EEA1: variants seen among roughly 807,000 people sequenced by gnomAD.
The protein encoded by EEA1 is early endosome antigen 1, 162kD.
Under a neutral mutation model 209.2 loss-of-function variants are expected in EEA1, and 111 were observed. The observed-to-expected ratio is 0.53, with a 90% CI of 0.45 to 0.62. The LOEUF (loss-of-function observed/expected upper bound fraction) is 0.62. Ranked by LOEUF, EEA1 falls within the 20% of genes least tolerant of loss-of-function variation. The pLI, the probability that EEA1 is intolerant of heterozygous loss-of-function variation, is 0.00. For synonymous variants in EEA1, 536 were observed against 540.6 expected (o/e 0.99, Z 0.12); for missense variants, 1,343 against 1,530.8 (o/e 0.88, Z 2.05).
rs917277261 is a variant in EEA1, at chr12:92,884,589, G to A, written c.117+7040C>T. ...CCCATGAAGGGAGGAAACTTTGGAG[G>A]CAGAAGCCCTGGCCCCTATGGTGGT... On this transcript the variant is annotated intron_variant, in intron 2 of 28. Transcript: ENST00000322349. 18 of 1,465,476 alleles carry A rather than the reference G, an allele frequency of 1.2e-5. No homozygotes were observed. The Admixed American group carries it at 2.8e-4, about 23-fold the overall frequency. 90.8% of individuals were successfully genotyped at this position (1,465,476 alleles called of 1,614,324 possible).
intron 3 of EEA1, chr12:92,858,568 G>C: frequency 1.3e-6 from 1 of 757,700 alleles, no homozygotes; most frequent in East Asian, 2.5e-5. Flanking sequence ...CAAGCTTAAA[G>C]CCAAACTGGC....
At chr12:92,908,580 T>A (rs528210327) in intron 1 of EEA1, among the ~76,000 whole-genome samples, 1 of 150,758 alleles carries the variant, frequency 6.6e-6, no homozygotes, top group African/African-American at 2.4e-5. Context: ...CTACTACATA[T>A]CCTTTTGGGA....
Position 92,788,380 on chromosome 12 carries a change from G to A in EEA1, c.2968-331C>T, listed in dbSNP as rs7294673. Among the ~76,000 whole-genome samples, 277 of 151,800 alleles carry A rather than the reference G, an allele frequency of 1.8e-3. 1 individual carries two copies. The highest frequency in any genetic ancestry group is 6.4e-3 in the African/African-American group (266 of 41,396). ...TGCAGTGCTAGATGCCTCAGCTGAC[G>A]TAATTTAAGGTGGAACTAAGGGAAA... On this transcript the variant is annotated intron_variant, in intron 21 of 28. Transcript: ENST00000322349.
chr12:92,818,348 G>T (rs1396363950), intron 14 of EEA1, among the ~76,000 whole-genome samples: 1 of 152,020 alleles, frequency 6.6e-6, no homozygotes, highest in Non-Finnish European at 1.5e-5. Context: ...CTTCTCTCAG[G>T]GATCACAGTC....
intron 2 of EEA1, 48 bp from the exon 3 acceptor site, chr12:92,865,035 GA>G: frequency 7.1e-7 from 1 of 1,406,968 alleles, no homozygotes. Flanking sequence ...TTAATATTGT[GA>G]AATAACAATT....
At chr12:92,867,192 C>T (rs1185936333) in intron 2 of EEA1, among the ~76,000 whole-genome samples, 1 of 152,170 alleles carries the variant, frequency 6.6e-6, no homozygotes, top group Non-Finnish European at 1.5e-5. Flanking sequence ...ACTCCCTCAC[C>T]ATACTTCAAC....
intron 21 of EEA1, among the ~76,000 whole-genome samples, chr12:92,789,956 C>CAATATT (rs1874321763): frequency 6.6e-6 from 1 of 152,200 alleles, no homozygotes. Context: ...TGCTGTTCTG[C>CAATATT]AATATTCACT....
chr12:92,873,281 C>T lies in EEA1; in HGVS notation c.118-8294G>A, dbSNP rs771897474. 6.6e-5 allele frequency among the ~76,000 whole-genome samples: 10 copies of T among 151,782 alleles called. No individual in the cohort carries two copies. In the East Asian group the frequency reaches 1.2e-3, roughly 18 times the overall value. On this transcript the variant is annotated intron_variant, in intron 2 of 28. Coordinates refer to ENST00000322349, the MANE Select transcript of EEA1 (RefSeq NM_003566.4). ...CGAATATGAATTGTCATTAGATGTA[C>T]GCTTAAAGATGAAAGGGAAAGACTG...
At position 92,861,801 on chromosome 12, in the gene EEA1, T is replaced by A. The variant is rs117518560; in HGVS notation, c.245+3059A>T. Among the ~76,000 whole-genome samples the A allele has an allele frequency of 4.9e-4, 75 of 151,974 alleles. 1 individual carries two copies. Among genetic ancestry groups the A allele is most frequent in the Non-Finnish European group, 8.2e-4 (56 of 67,958 alleles). ...ATGTACATAGATATAAGCATATGAA[T>A]ATATAAGCATAGAATATCTCTGGAA... On this transcript the variant is annotated intron_variant, in intron 3 of 28. Transcript: ENST00000322349.
intron 3 of EEA1, 113 bp downstream of exon 3, chr12:92,864,747 T>C: frequency 1.9e-6 from 2 of 1,059,290 alleles, no homozygotes; most frequent in Non-Finnish European, 1.3e-6. Context: ...ATGACAGATT[T>C]AAATTAAATA....
intron 21 of EEA1, among the ~76,000 whole-genome samples, chr12:92,791,086 C>T (rs138262329): frequency 0.038 from 5,861 of 152,276 alleles, 164 homozygotes; most frequent in Middle Eastern, 0.1. Context: ...GAGATTTTGT[C>T]ACCACCAGGC....
At chr12:92,881,174 C>G (rs140667475) in intron 2 of EEA1, among the ~76,000 whole-genome samples, 1 of 151,890 alleles carries the variant, frequency 6.6e-6, no homozygotes, top group African/African-American at 2.4e-5. Context: ...GAAGCCGAGG[C>G]GGGTGGACTG....
intron 10 of EEA1, among the ~76,000 whole-genome samples, chr12:92,833,924 C>G (rs1876786485): frequency 6.6e-6 from 1 of 152,000 alleles, no homozygotes; most frequent in Admixed American, 6.6e-5. Flanking sequence ...GGGGAGCTAG[C>G]TAGTTAAGAT....
chr12:92,889,665 G>C (rs190260567), intron 2 of EEA1, among the ~76,000 whole-genome samples: 27 of 152,254 alleles, frequency 1.8e-4, no homozygotes, highest in Non-Finnish European at 1.5e-5. Flanking sequence ...TTGGGAAGCT[G>C]AGGCAGGCAG....
chr12:92,786,503 T>C (rs1469552968), intron 22 of EEA1, among the ~76,000 whole-genome samples: 1 of 152,202 alleles, frequency 6.6e-6, no homozygotes, highest in Non-Finnish European at 1.5e-5. Context: ...CTATGAAAAT[T>C]CTTTCACCCA....
rs771186467 is a variant in EEA1, at chr12:92,787,941, C to G, written c.3076G>C (p.Glu1026Gln). 3 of 1,613,086 alleles carry G rather than the reference C, an allele frequency of 1.9e-6. No homozygotes were observed. Among genetic ancestry groups the G allele is most frequent in the Non-Finnish European group, 2.5e-6 (3 of 1,179,616 alleles). ...VLQNNYEKSQ[E>Q]TFKQLQSDFY... is the part of the protein sequence containing the mutation. ...TCAGATTGAAGCTGTTTGAAAGTTT[C>G]CTGACTTTTTTCATAGTTGTTTTGT... The change falls in exon 22 of 29, where the codon GAA (glutamate) becomes CAA (glutamine). Residue 1026 changes from glutamate to glutamine, a missense_variant. Transcript: ENST00000322349.
In EEA1 at chr12:92,801,455, T is replaced by C. The variant is rs536886906; in HGVS notation, c.2772+145A>G. 1.8e-4 allele frequency: 86 copies of C among 487,644 alleles called. No homozygotes were observed. In the East Asian group the frequency reaches 3.1e-3, roughly 18 times the overall value. 30.2% of individuals were successfully genotyped at this position (487,644 alleles called of 1,614,324 possible). On this transcript the variant is annotated intron_variant, in intron 20 of 28. Coordinates refer to ENST00000322349, the MANE Select transcript of EEA1 (RefSeq NM_003566.4). The stretch of plus-strand genomic sequence containing the variant: ...TGAACCTATGACCTAAATATCAGTA[T>C]GAAAATGCTTATTTTTCTTAAAACT...
At chr12:92,868,848 A>G (rs1177986272) in intron 2 of EEA1, among the ~76,000 whole-genome samples, 2 of 152,198 alleles carry the variant, frequency 1.3e-5, no homozygotes, top group Admixed American at 6.5e-5. Flanking sequence ...TTTATCACTG[A>G]AAAGATGTCT....
intron 21 of EEA1, among the ~76,000 whole-genome samples, chr12:92,789,474 T>C (rs2136656608): frequency 6.6e-6 from 1 of 152,162 alleles, no homozygotes; most frequent in South Asian, 2.1e-4. Context: ...ATGTCTCCAC[T>C]TGAATGACTG....
Sources: gnomAD v4.1 joint callset for allele counts (sites outside exome capture counted in the v4.1 genomes callset) on GRCh38, gnomAD v4.1.1 for gene constraint, MANE v1.5 for transcripts, NCBI Gene and HGNC (gene_info 2026-07-23, HGNC 2026-07-21) for gene names.